The following STPG2 variants were observed in gnomAD, a reference collection of about 807,000 sequenced individuals.
The protein encoded by STPG2 is sperm tail PG-rich repeat containing 2.
Under a neutral mutation model 54.2 loss-of-function variants are expected in STPG2, and 56 were observed. The observed-to-expected ratio is 1.03, with a 90% CI of 0.83 to 1.29. The LOEUF (loss-of-function observed/expected upper bound fraction) is 1.29. Among genes scored for constraint, STPG2 ranks in the 50% most tolerant of loss-of-function variants. STPG2 has a pLI of 0.00. For missense variants in STPG2, 596 were observed against 544.9 expected, an observed-to-expected ratio of 1.09 and a Z score of -0.93; for synonymous variants, 200 against 181.8, an observed-to-expected ratio of 1.10 and a Z score of -0.81.
intron 4 of STPG2, among the ~76,000 whole-genome samples, chr4:97,498,183 T>C (rs1434217399): frequency 6.6e-6 from 1 of 151,980 alleles, no homozygotes; most frequent in African/African-American, 2.4e-5. Context: ...GTGGGTCAGG[T>C]AGGCTCTCAT....
intron 9 of STPG2, among the ~76,000 whole-genome samples, chr4:97,740,607 TC>T (rs1443568223): frequency 6.6e-6 from 1 of 152,084 alleles, no homozygotes; most frequent in East Asian, 1.9e-4. Context: ...GAACTCCCAT[TC>T]ACAATTTCTT....
rs187530073 is a variant in STPG2 at position 97,562,012 on chromosome 4, A to T, written c.1321-2895T>A. On this transcript the variant is annotated intron_variant, in intron 10 of 10. Coordinates refer to ENST00000295268, the MANE Select transcript of STPG2 (RefSeq NM_174952.3). The stretch of plus-strand genomic sequence containing the variant: ...GGTAGCTTGATGGGGATGGCATTAA[A>T]TCTATAAATTACATTGGGCAGCATG... Among the ~76,000 whole-genome samples the T allele has an allele frequency of 3.4e-3, 525 of 152,246 alleles. 4 individuals are homozygous for T. Among genetic ancestry groups the T allele is most frequent in the African/African-American group, 0.012 (488 of 41,548 alleles).
intron 7 of STPG2, among the ~76,000 whole-genome samples, chr4:97,948,464 CTTAG>C (rs1409327692): frequency 1.3e-5 from 2 of 151,724 alleles, no homozygotes; most frequent in Non-Finnish European, 2.9e-5. Flanking sequence ...TAGATTTGGG[CTTAG>C]TTTGTTCTTG....
At chr4:97,877,419 T>C (rs1730218009) in intron 8 of STPG2, among the ~76,000 whole-genome samples, 5 of 152,152 alleles carry the variant, frequency 3.3e-5, no homozygotes, top group Admixed American at 3.3e-4. Context: ...GATAAAGACA[T>C]ACCTGAGACT....
chr4:97,442,461 C>T (rs1404550530), intron 4 of STPG2, among the ~76,000 whole-genome samples: 1 of 152,006 alleles, frequency 6.6e-6, no homozygotes, highest in Non-Finnish European at 1.5e-5. Flanking sequence ...AGTAGGGAGA[C>T]TCCAAATGAT....
intron 9 of STPG2, among the ~76,000 whole-genome samples, chr4:97,745,265 A>AAC (rs746749721): frequency 2.5e-3 from 78 of 31,148 alleles, no homozygotes; most frequent in Non-Finnish European, 4.5e-3. Context: ...CAAAAAAACA[A>AAC]AAAAAAAAAC....
intron 7 of STPG2, among the ~76,000 whole-genome samples, chr4:97,958,553 C>A (rs564097924): frequency 2.0e-5 from 3 of 152,300 alleles, no homozygotes; most frequent in African/African-American, 7.2e-5. Flanking sequence ...GAAAAAGACA[C>A]TCCATGCAAA....
chr4:97,726,891 C>G (rs1421501691), intron 9 of STPG2, among the ~76,000 whole-genome samples: 6 of 151,580 alleles, frequency 4.0e-5, no homozygotes, highest in African/African-American at 1.5e-4. Flanking sequence ...GGCAAGAGGC[C>G]TCCTCCAACT....
Position 97,510,501 on chromosome 4 carries a change from A to G in STPG2, c.462+202198T>C, listed in dbSNP as rs185384346. ...ATGTACACTTTACCTTCTATACATCACAGATATAATGCTGGGGTTACTGAA... is the reference window on the plus strand; with the variant it reads ...ATGTACACTTTACCTTCTATACATCGCAGATATAATGCTGGGGTTACTGAA... On this transcript the variant is annotated intron_variant, in intron 4 of 4. Coordinates refer to the STPG2 transcript ENST00000522676. 3.3e-3 allele frequency among the ~76,000 whole-genome samples: 505 copies of G among 152,234 alleles called. 8 individuals are homozygous for G. Among genetic ancestry groups the G allele is most frequent in the Non-Finnish European group, 4.1e-4 (28 of 68,014 alleles).
chr4:98,009,544 T>C (rs1395179603), intron 5 of STPG2, among the ~76,000 whole-genome samples: 1 of 152,080 alleles, frequency 6.6e-6, no homozygotes, highest in Admixed American at 6.6e-5. Context: ...GTGACAAATA[T>C]GTAGTCTGCT....
rs573916082 is a variant in STPG2, at chr4:97,845,554, G to A, written c.1045-4622C>T. Among the ~76,000 whole-genome samples the A allele has an allele frequency of 4.6e-5, 7 of 151,980 alleles. 1 individual carries two copies. Among genetic ancestry groups the A allele is most frequent in the Admixed American group, 4.6e-4 (7 of 15,268 alleles). On this transcript the variant is annotated intron_variant, in intron 8 of 10. Coordinates refer to ENST00000295268, the MANE Select transcript of STPG2 (RefSeq NM_174952.3). Reference sequence around the variant, plus strand: ...CAAATTTAAATTATCATATTATTCTGGTTAATTAAACATTTTAAAACTATT... The same window carrying A: ...CAAATTTAAATTATCATATTATTCTAGTTAATTAAACATTTTAAAACTATT...
chr4:98,031,940 CA>C (rs773044445), intron 5 of STPG2, among the ~76,000 whole-genome samples: 6 of 152,052 alleles, frequency 3.9e-5, no homozygotes, highest in Non-Finnish European at 7.4e-5. Context: ...AGAAGATATA[CA>C]AATGGCCAAC....
chr4:97,900,889 T>C (rs1731152012), intron 8 of STPG2, among the ~76,000 whole-genome samples: 1 of 152,052 alleles, frequency 6.6e-6, no homozygotes, highest in African/African-American at 2.4e-5. Flanking sequence ...AGTTTACCTA[T>C]GTAACAAACC....
intron 5 of STPG2, among the ~76,000 whole-genome samples, chr4:98,058,503 A>T (rs1227781142): frequency 6.6e-5 from 10 of 152,244 alleles, no homozygotes; most frequent in Admixed American, 6.5e-4. Flanking sequence ...TTCAGCAAGA[A>T]GACCTAACTA....
intron 5 of STPG2, among the ~76,000 whole-genome samples, chr4:98,061,724 GC>G (rs1737665884): frequency 6.6e-6 from 1 of 152,150 alleles, no homozygotes; most frequent in Admixed American, 6.5e-5. Flanking sequence ...TTAGAGAAAT[GC>G]AAATCAAAAC....
intron 5 of STPG2, among the ~76,000 whole-genome samples, chr4:98,063,220 G>A (rs1201847805): frequency 1.3e-5 from 2 of 152,144 alleles, no homozygotes; most frequent in African/African-American, 2.4e-5. Context: ...GGAGACCTAG[G>A]TGGGCGGATC....
At chr4:98,040,862 G>A (rs756784597) in intron 5 of STPG2, among the ~76,000 whole-genome samples, 2 of 151,704 alleles carry the variant, frequency 1.3e-5, no homozygotes, top group African/African-American at 2.4e-5. Context: ...TGTGAAAAAC[G>A]ACATTGGTAT....
intron 5 of STPG2, among the ~76,000 whole-genome samples, chr4:98,006,888 G>A (rs1350954755): frequency 3.3e-5 from 5 of 152,128 alleles, no homozygotes. Context: ...ATGCATTTGG[G>A]CCATCCTTCC....
intron 10 of STPG2, among the ~76,000 whole-genome samples, chr4:97,597,256 T>A (rs1309869523): frequency 1.3e-5 from 2 of 151,826 alleles, no homozygotes; most frequent in Non-Finnish European, 2.9e-5. Flanking sequence ...CAAAATTGAA[T>A]CAGTTATAAA....
Sources: allele counts gnomAD v4.1 joint callset (sites outside exome capture counted in the v4.1 genomes callset), GRCh38; gene constraint gnomAD v4.1.1; transcripts MANE v1.5; gene names NCBI Gene and HGNC (gene_info 2026-07-23, HGNC 2026-07-21).